Variants in JMJD1C observed in about 807,000 individuals in gnomAD.
The protein encoded by JMJD1C is jumonji domain containing 1C, also known as jumonji domain-containing protein 1C.
A neutral mutation model predicts 245.3 loss-of-function variants in JMJD1C; 31 were observed. That is an observed-to-expected ratio of 0.13 (90% CI 0.09 to 0.17). The LOEUF is 0.17. JMJD1C is among the 10% of genes least tolerant of loss of function. JMJD1C has a pLI of 1.00. For synonymous variants in JMJD1C, 1,057 were observed against 1,017.4 expected, an observed-to-expected ratio of 1.04 and a Z score of -0.74; for missense variants, 2,691 against 3,000.2, an observed-to-expected ratio of 0.90 and a Z score of 2.41.
chr10:63,469,593 G>T (rs1953425260), upstream of JMJD1C, among the ~76,000 whole-genome samples: 2 of 152,142 alleles, frequency 1.3e-5, no homozygotes, highest in South Asian at 4.1e-4. Flanking sequence ...TTATCCTTGA[G>T]AAGCTCACAG....
intron 2 of JMJD1C, among the ~76,000 whole-genome samples, chr10:63,326,425 T>G (rs139122821): frequency 1.0e-3 from 143 of 139,336 alleles, no homozygotes; most frequent in African/African-American, 3.2e-3. Context: ...AATAAATAAA[T>G]AAAGATAATA....
intron 1 of JMJD1C, among the ~76,000 whole-genome samples, chr10:63,418,863 G>C (rs550289685): frequency 6.6e-6 from 1 of 152,102 alleles, no homozygotes; most frequent in South Asian, 2.1e-4. Context: ...GGGATCACGA[G>C]GTCAGGAGTT....
At chr10:63,288,115 T>C (rs961218559) in intron 2 of JMJD1C, among the ~76,000 whole-genome samples, 2 of 152,276 alleles carry the variant, frequency 1.3e-5, no homozygotes, top group African/African-American at 2.4e-5. Flanking sequence ...TTTCTATCCA[T>C]GTTTCATTGC....
intron 1 of JMJD1C, among the ~76,000 whole-genome samples, chr10:63,414,947 A>C (rs1949716562): frequency 6.6e-6 from 1 of 151,784 alleles, no homozygotes; most frequent in Non-Finnish European, 1.5e-5. Flanking sequence ...AGAAAAAAAA[A>C]AAACTGTCCT....
chr10:63,474,032 A>G (rs1213387906), intron 1 of JMJD1C, among the ~76,000 whole-genome samples: 1 of 152,012 alleles, frequency 6.6e-6, no homozygotes, highest in Admixed American at 6.6e-5. Context: ...GACAAGAGTG[A>G]AACTCTGTCT....
At position 63,243,126 on chromosome 10, in the gene JMJD1C, A is replaced by T. The variant is rs28687543; in HGVS notation, c.447+21525T>A. ...AATTATATATATATATATATATATA[A>T]ATATATATATGGCTAGATAGGTATC... On this transcript the variant is annotated intron_variant, in intron 3 of 25. Coordinates refer to ENST00000399262, the MANE Select transcript of JMJD1C (RefSeq NM_032776.3). Among the ~76,000 whole-genome samples, 412 of 42,156 alleles carry T rather than the reference A, an allele frequency of 9.8e-3. 3 individuals carry two copies. Among genetic ancestry groups the T allele is most frequent in the Non-Finnish European group, 0.018 (247 of 13,796 alleles). The allele number at this position is 42,156 out of a possible 152,430, so 27.7% of individuals were successfully genotyped here.
At chr10:63,292,144 A>ATTTGTTTTTTTTTTTTTTTTT (rs1858837827) in intron 2 of JMJD1C, among the ~76,000 whole-genome samples, 1 of 56,326 alleles carries the variant, frequency 1.8e-5, no homozygotes, top group Non-Finnish European at 3.2e-5. Flanking sequence ...GTAGAGACAG[A>ATTTGTTTTTTTTTTTTTTTTT]TTTTTTTTTT....
intron 1 of JMJD1C, among the ~76,000 whole-genome samples, chr10:63,500,968 C>G (rs1303244815): frequency 6.6e-6 from 1 of 152,160 alleles, no homozygotes; most frequent in East Asian, 1.9e-4. Flanking sequence ...CTGTATATCA[C>G]TTTAAAATTA....
chr10:63,431,028 A>AT (rs1358429663), intron 1 of JMJD1C, among the ~76,000 whole-genome samples: 2 of 152,190 alleles, frequency 1.3e-5, no homozygotes, highest in Admixed American at 6.5e-5. Flanking sequence ...TGGCAAAACT[A>AT]TTTTTTTAAA....
chr10:63,295,181 A>G (rs982698752), intron 2 of JMJD1C, among the ~76,000 whole-genome samples: 15 of 151,784 alleles, frequency 9.9e-5, no homozygotes, highest in African/African-American at 3.1e-4. Context: ...GCAGGTGTGA[A>G]CTCCTCAGAT....
chr10:63,492,954 A>G (rs1169371339), intron 1 of JMJD1C, among the ~76,000 whole-genome samples: 2 of 152,196 alleles, frequency 1.3e-5, no homozygotes, highest in Non-Finnish European at 2.9e-5. Flanking sequence ...ATGAGTCTAG[A>G]TAACTGTCAC....
chr10:63,448,729 TAAAAG>T (rs1401833233), intron 1 of JMJD1C, among the ~76,000 whole-genome samples: 2 of 152,162 alleles, frequency 1.3e-5, no homozygotes, highest in African/African-American at 4.8e-5. Context: ...TGCAGAGAAT[TAAAAG>T]AACTCTATAA....
At chr10:63,431,099 A>T (rs907776451) in intron 1 of JMJD1C, among the ~76,000 whole-genome samples, 1 of 152,224 alleles carries the variant, frequency 6.6e-6, no homozygotes, top group Non-Finnish European at 1.5e-5. Context: ...GATGGTCATG[A>T]AAAGCAAACA....
At chr10:63,520,534 T>A (rs1246882529) in intron 1 of JMJD1C, among the ~76,000 whole-genome samples, 1 of 148,252 alleles carries the variant, frequency 6.7e-6, no homozygotes, top group African/African-American at 2.5e-5. Flanking sequence ...GTTTTAAAAG[T>A]CTGCCCTTGA....
chr10:63,173,877 CAG>C (rs979134558), intron 24 of JMJD1C, among the ~76,000 whole-genome samples: 103 of 151,902 alleles, frequency 6.8e-4, no homozygotes, highest in African/African-American at 2.1e-3. Flanking sequence ...GCTAAATAGA[CAG>C]AATATTTGAA....
intron 10 of JMJD1C, chr10:63,204,882 C>T (rs1262677877): frequency 1.0e-6 from 1 of 985,302 alleles, no homozygotes; most frequent in Non-Finnish European, 1.2e-6. Context: ...AAACCTCATT[C>T]AGTTAAAAGG....
chr10:63,433,807 T>C (rs975651800), intron 1 of JMJD1C, among the ~76,000 whole-genome samples: 26 of 151,248 alleles, frequency 1.7e-4, no homozygotes, highest in African/African-American at 6.3e-4. Context: ...TCTTGAACTC[T>C]TGGCCTCAAG....
intron 21 of JMJD1C, among the ~76,000 whole-genome samples, chr10:63,184,392 G>A (rs568420484): frequency 6.6e-6 from 1 of 152,052 alleles, no homozygotes; most frequent in Admixed American, 6.5e-5. Context: ...ATAGGCGCAC[G>A]CCACCACACC....
In JMJD1C at chr10:63,208,514, A is replaced by G. The variant is rs1846934970; in HGVS notation, c.3155T>C (p.Val1052Ala). ...LEGERENYSR[V>A]ASSSSSPKSH... ...TTTAGGACTGGAAGATGATGATGCC[A>G]CTCTGGAATAATTCTCTCTCTCACC... The change falls in exon 10 of 26, where the codon GTG becomes GCG. Residue 1052 changes from valine (V) to alanine (A), a missense_variant. Coordinates refer to ENST00000399262, the MANE Select transcript of JMJD1C (RefSeq NM_032776.3). The G allele has an allele frequency of 6.2e-6, 10 of 1,613,822 alleles. No individual in the cohort carries two copies. The highest frequency in any genetic ancestry group is 7.6e-6 in the Non-Finnish European group (9 of 1,179,954).
Sources: gnomAD v4.1 joint callset for allele counts (sites outside exome capture counted in the v4.1 genomes callset) on GRCh38, gnomAD v4.1.1 for gene constraint, MANE v1.5 for transcripts, NCBI Gene and HGNC (gene_info 2026-07-23, HGNC 2026-07-21) for gene names.